Variants in GALNT18 observed in about 807,000 individuals in gnomAD.
GALNT18 encodes polypeptide N-acetylgalactosaminyltransferase 18.
In GALNT18, 44 loss-of-function variants were observed where a neutral mutation model predicts 69.5. That is an observed-to-expected ratio of 0.63 (90% CI 0.50 to 0.81). The LOEUF is 0.81. GALNT18 is among the 40% of genes least tolerant of loss of function. The pLI is 0.00. For missense variants in GALNT18, 715 were observed against 810.0 expected, an observed-to-expected ratio of 0.88 and a Z score of 1.42; for synonymous variants, 364 against 318.2, an observed-to-expected ratio of 1.14 and a Z score of -1.53.
In GALNT18 at chr11:11,270,882, TTAA is replaced by T. The variant is rs780291029; in HGVS notation, c.*259_*261del. The T allele has an allele frequency of 3.8e-5, 13 of 339,714 alleles. No homozygotes were observed. Among genetic ancestry groups the T allele is most frequent in the African/African-American group, 1.4e-4 (7 of 48,768 alleles). 21.0% of individuals were successfully genotyped at this position (339,714 alleles called of 1,614,324 possible). A position where few individuals can be genotyped will look rare whatever the true frequency, so the allele number is the denominator to read the frequency against. On this transcript the variant is annotated 3_prime_UTR_variant, in exon 11 of 11. Transcript: ENST00000227756. ...ACCAAATGACTGCAAAACCCTTTTC[TTAA>T]TAATATTTTATTGTCAGTTATAAAT...
intron 1 of GALNT18, among the ~76,000 whole-genome samples, chr11:11,610,418 A>G (rs970484860): frequency 6.6e-6 from 1 of 152,256 alleles, no homozygotes; most frequent in Non-Finnish European, 1.5e-5. Context: ...TATGCGGTTA[A>G]GGTGAGGTGA....
At chr11:11,433,529 T>A (rs1160461557) in intron 2 of GALNT18, among the ~76,000 whole-genome samples, 1 of 152,186 alleles carries the variant, frequency 6.6e-6, no homozygotes, top group Non-Finnish European at 1.5e-5. Context: ...GAAGCAGAAA[T>A]GGCCATGAAA....
At chr11:11,275,602 T>C (rs1000549324) in intron 10 of GALNT18, among the ~76,000 whole-genome samples, 28 of 152,242 alleles carry the variant, frequency 1.8e-4, no homozygotes, top group African/African-American at 6.5e-4. Context: ...CATGAAGTCT[T>C]TGCCCATGCC....
At chr11:11,466,701 C>A (rs1856162994) in intron 1 of GALNT18, among the ~76,000 whole-genome samples, 1 of 152,188 alleles carries the variant, frequency 6.6e-6, no homozygotes, top group Non-Finnish European at 1.5e-5. Context: ...CTAATGAGTT[C>A]ATCTGTCTCC....
Position 11,452,441 on chromosome 11 carries a change from C to T in GALNT18, c.236-3505G>A, listed in dbSNP as rs116656220. ...GCTCTCCATAAACACTGCTGAAGCC[C>T]GCACAAAGCCCACAGCCCTATCGGG... On this transcript the variant is annotated intron_variant, in intron 1 of 10. Transcript: ENST00000227756. Among the ~76,000 whole-genome samples, 1,032 of 152,338 alleles carry T rather than the reference C, an allele frequency of 6.8e-3. 17 individuals are homozygous for T. The highest frequency in any genetic ancestry group is 0.024 in the African/African-American group (986 of 41,576).
intron 3 of GALNT18, among the ~76,000 whole-genome samples, chr11:11,409,156 G>GGGAGGCT (rs1854667747): frequency 6.6e-6 from 1 of 152,190 alleles, no homozygotes; most frequent in Admixed American, 6.5e-5. Context: ...GCTGAGGCGT[G>GGGAGGCT]GGAGGCTGGT....
At chr11:11,304,910 C>T (rs73417626) in intron 9 of GALNT18, among the ~76,000 whole-genome samples, 2,041 of 152,316 alleles carry the variant, frequency 0.013, 48 homozygotes, top group African/African-American at 0.047. Context: ...AGAGCTGAAG[C>T]TGAATGATGA....
chr11:11,609,004 G>C (rs1304605105), intron 1 of GALNT18, among the ~76,000 whole-genome samples: 5 of 152,198 alleles, frequency 3.3e-5, no homozygotes, highest in African/African-American at 1.2e-4. Context: ...GCTTGCAAAA[G>C]ATCCTTAACT....
Position 11,402,267 on chromosome 11 carries a change from T to C in GALNT18, c.596-23003A>G, listed in dbSNP as rs1469153439. ...GATTGTCTTAAACGATCCAGCCTGGTGGAATTAGATTTCTTTCCTCTTCAT... is the reference window on the plus strand; with the variant it reads ...GATTGTCTTAAACGATCCAGCCTGGCGGAATTAGATTTCTTTCCTCTTCAT... On this transcript the variant is annotated intron_variant, in intron 3 of 10. Transcript: ENST00000227756. The surrounding 1 kb of genome is among the most constrained non-coding windows in gnomAD (Gnocchi z 4.0). Among the ~76,000 whole-genome samples, 2 of 152,252 alleles carry C rather than the reference T, an allele frequency of 1.3e-5. No homozygotes were observed. Among genetic ancestry groups the C allele is most frequent in the Non-Finnish European group, 2.9e-5 (2 of 68,044 alleles).
intron 1 of GALNT18, among the ~76,000 whole-genome samples, chr11:11,493,520 T>C (rs186827660): frequency 2.3e-4 from 35 of 152,286 alleles, no homozygotes; most frequent in African/African-American, 6.5e-4. Context: ...TATTAGCCAA[T>C]ATTGAGGAAT....
rs1022288613 is a variant in GALNT18, at chr11:11,538,296, G to A, written c.235+83063C>T. Among the ~76,000 whole-genome samples the A allele has an allele frequency of 6.6e-6, 1 of 152,198 alleles. No homozygotes were observed. Among genetic ancestry groups the A allele is most frequent in the Non-Finnish European group, 1.5e-5 (1 of 68,040 alleles). ...ACCACCATCCCCAGGGCTATGATGG[G>A]GCTGGGAAGGCCACTCACTAAGGCC... On this transcript the variant is annotated intron_variant, in intron 1 of 10. Transcript: ENST00000227756. The surrounding 1 kb of genome is among the most constrained non-coding windows in gnomAD (Gnocchi z 5.2).
chr11:11,340,795 C>G lies in GALNT18; in HGVS notation c.1278+24G>C, dbSNP rs749344784. The G allele has an allele frequency of 6.3e-7, 1 of 1,581,756 alleles. No homozygotes were observed. The highest frequency in any genetic ancestry group is 8.6e-7 in the Non-Finnish European group (1 of 1,161,862). On this transcript the variant is annotated intron_variant, in intron 7 of 10. Transcript: ENST00000227756. The surrounding 1 kb of genome is among the most constrained non-coding windows in gnomAD (Gnocchi z 4.2). Reference sequence around the variant, plus strand: ...TTGTTTTCCACCAATCCCCGAGAAACTCATCCCTACCGGAGATCCCTACCT... The same window carrying G: ...TTGTTTTCCACCAATCCCCGAGAAAGTCATCCCTACCGGAGATCCCTACCT...
chr11:11,437,113 G>A (rs1057198730), intron 2 of GALNT18, among the ~76,000 whole-genome samples: 5 of 152,222 alleles, frequency 3.3e-5, no homozygotes, highest in African/African-American at 1.2e-4. Flanking sequence ...TTGCCTCTCT[G>A]CTCACCTCTG....
intron 1 of GALNT18, among the ~76,000 whole-genome samples, chr11:11,526,952 C>A (rs919954261): frequency 6.6e-6 from 1 of 152,176 alleles, no homozygotes; most frequent in African/African-American, 2.4e-5. Context: ...GGGAGTCTTG[C>A]ACCTAGACTA....
intron 2 of GALNT18, among the ~76,000 whole-genome samples, chr11:11,440,417 C>T (rs1402890767): frequency 6.6e-6 from 1 of 152,180 alleles, no homozygotes; most frequent in East Asian, 1.9e-4. Context: ...CCCATAGCAC[C>T]TACAGCTGAG....
At chr11:11,440,640 C>G (rs1855514335) in intron 2 of GALNT18, among the ~76,000 whole-genome samples, 1 of 152,236 alleles carries the variant, frequency 6.6e-6, no homozygotes, top group Non-Finnish European at 1.5e-5. Context: ...CAGTGCCTGT[C>G]TGGCCCTGCT....
rs1856248506 is a variant in GALNT18 at position 11,470,680 on chromosome 11, G to A, written c.236-21744C>T. On this transcript the variant is annotated intron_variant, in intron 1 of 10. Coordinates refer to ENST00000227756, the MANE Select transcript of GALNT18 (RefSeq NM_198516.3). This position sits in a 1 kb window ranked among gnomAD's most constrained non-coding sequence, Gnocchi z 4.8. ...GACCCCTTTCAGGCTCCACTAGCTG[G>A]GTCCCTTGGCAAATTCTCAGACCCC... is the stretch of plus-strand genomic sequence containing the variant. 6.6e-6 allele frequency among the ~76,000 whole-genome samples: 1 copy of A among 152,084 alleles called. No homozygotes were observed. The highest frequency in any genetic ancestry group is 2.4e-5 in the African/African-American group (1 of 41,392).
At chr11:11,380,014 C>G (rs915875890) in intron 3 of GALNT18, among the ~76,000 whole-genome samples, 1 of 152,224 alleles carries the variant, frequency 6.6e-6, no homozygotes, top group Non-Finnish European at 1.5e-5. Context: ...CCATGACAGC[C>G]CTCACAGTTG....
intron 3 of GALNT18, among the ~76,000 whole-genome samples, chr11:11,416,366 C>G (rs1195883138): frequency 3.3e-5 from 5 of 152,208 alleles, no homozygotes; most frequent in African/African-American, 4.8e-5. Flanking sequence ...CAGCAGGATC[C>G]TTCAGTCAAT....
Sources: allele counts gnomAD v4.1 joint callset (sites outside exome capture counted in the v4.1 genomes callset), GRCh38; gene constraint gnomAD v4.1.1; non-coding constraint Gnocchi (gnomAD v3.1); transcripts MANE v1.5; gene names NCBI Gene and HGNC (gene_info 2026-07-23, HGNC 2026-07-21).